Variants in SDK1 observed in about 807,000 individuals in gnomAD.
SDK1 encodes the protein protein sidekick-1.
In SDK1, 157 loss-of-function variants were observed where a neutral mutation model predicts 245.5. That is an observed-to-expected ratio of 0.64 (90% CI 0.56 to 0.73). The LOEUF (loss-of-function observed/expected upper bound fraction) is 0.73. Among genes scored for constraint, SDK1 ranks in the 30% least tolerant of loss-of-function variants. The pLI, the probability that SDK1 is intolerant of heterozygous loss-of-function variation, is 0.00. For missense variants in SDK1, 3,583 were observed against 3,002.3 expected, an observed-to-expected ratio of 1.19 and a Z score of -4.52; for synonymous variants, 1,647 against 1,278.5, an observed-to-expected ratio of 1.29 and a Z score of -6.15.
chr7:3,537,751 G>A (rs749554847), intron 1 of SDK1, among the ~76,000 whole-genome samples: 20 of 152,306 alleles, frequency 1.3e-4, no homozygotes, highest in Middle Eastern at 6.8e-3. Context: ...ATTTTGAGGT[G>A]TTTCCCCTTG....
intron 4 of SDK1, among the ~76,000 whole-genome samples, chr7:3,645,522 G>A (rs1024149994): frequency 2.6e-5 from 4 of 152,120 alleles, no homozygotes; most frequent in Admixed American, 6.5e-5. Flanking sequence ...CAAGTACACT[G>A]ATTTGATCTT....
chr7:3,478,191 G>A lies in SDK1; in HGVS notation c.299-140889G>A, dbSNP rs189627403. On this transcript the variant is annotated intron_variant, in intron 1 of 44. Coordinates refer to ENST00000404826, the MANE Select transcript of SDK1 (RefSeq NM_152744.4). ...CTCATTATTTTCCTGAAGTTTCATG[G>A]CCATTACCTCCCCTTTATTCTTTGG... Among the ~76,000 whole-genome samples the A allele has an allele frequency of 1.2e-4, 18 of 152,062 alleles. No homozygotes were observed. In the East Asian group the frequency reaches 3.5e-3, roughly 29 times the overall value.
intron 4 of SDK1, among the ~76,000 whole-genome samples, chr7:3,820,280 G>C (rs953278345): frequency 1.3e-5 from 2 of 152,190 alleles, no homozygotes; most frequent in Non-Finnish European, 1.5e-5. Flanking sequence ...CTCTGTAGTA[G>C]CTGGGACTAC....
At chr7:4,137,771 C>A (rs1779190250) in intron 28 of SDK1, among the ~76,000 whole-genome samples, 1 of 152,214 alleles carries the variant, frequency 6.6e-6, no homozygotes, top group Non-Finnish European at 1.5e-5. Context: ...CCTTGCGTCG[C>A]TGAAGTGCAG....
intron 4 of SDK1, among the ~76,000 whole-genome samples, chr7:3,762,124 G>A (rs796844743): frequency 6.6e-5 from 10 of 152,300 alleles, no homozygotes; most frequent in African/African-American, 2.4e-4. Context: ...GCACATAACA[G>A]CGGTTTGGGG....
intron 22 of SDK1, among the ~76,000 whole-genome samples, chr7:4,106,586 G>A (rs953405324): frequency 4.6e-5 from 7 of 152,034 alleles, no homozygotes; most frequent in African/African-American, 7.2e-5. Flanking sequence ...GTGAGCCACC[G>A]CGCCCGGCCA....
intron 4 of SDK1, among the ~76,000 whole-genome samples, chr7:3,792,094 C>G (rs1236244785): frequency 6.6e-6 from 1 of 152,066 alleles, no homozygotes; most frequent in Non-Finnish European, 1.5e-5. Context: ...CACCACTGCA[C>G]TCCCGCCTGG....
intron 7 of SDK1, among the ~76,000 whole-genome samples, chr7:3,953,728 A>G (rs993362235): frequency 6.6e-6 from 1 of 152,176 alleles, no homozygotes; most frequent in Non-Finnish European, 1.5e-5. Flanking sequence ...TTAGTTTTAC[A>G]TTTATATCTG....
chr7:4,010,833 G>C (rs1009756861), intron 14 of SDK1, 133 bp from the exon 15 acceptor site: 9 of 917,032 alleles, frequency 9.8e-6, no homozygotes, highest in Non-Finnish European at 1.5e-5. Context: ...TGCTAAATGG[G>C]ATAAGCTTTC....
Position 4,175,944 on chromosome 7 carries a change from T to A in SDK1, c.4996+110T>A, listed in dbSNP as rs567324856. The A allele has an allele frequency of 1.3e-4, 119 of 899,022 alleles. No individual in the cohort carries two copies. In the African/African-American group the frequency reaches 1.7e-3, roughly 13 times the overall value. 55.7% of individuals were successfully genotyped at this position (899,022 alleles called of 1,614,324 possible). On this transcript the variant is annotated intron_variant, in intron 34 of 44. Coordinates refer to ENST00000404826, the MANE Select transcript of SDK1 (RefSeq NM_152744.4). ...ACCAGCCTGGATTAATGGCTCCAGT[T>A]CTGGAATCGCCTCTCAAACGCTGCG... is the stretch of plus-strand genomic sequence containing the variant.
chr7:3,541,115 C>T (rs1583143480), intron 1 of SDK1, among the ~76,000 whole-genome samples: 1 of 152,232 alleles, frequency 6.6e-6, no homozygotes, highest in Non-Finnish European at 1.5e-5. Context: ...TTGGGTGATA[C>T]ATGCATTCTG....
At chr7:3,448,262 G>T (rs934586712) in intron 1 of SDK1, among the ~76,000 whole-genome samples, 2 of 152,050 alleles carry the variant, frequency 1.3e-5, no homozygotes, top group East Asian at 1.9e-4. Context: ...CTGAATATTG[G>T]TGAAGTTGAA....
intron 44 of SDK1, among the ~76,000 whole-genome samples, chr7:4,257,343 C>G (rs1349097179): frequency 6.6e-6 from 1 of 152,162 alleles, no homozygotes; most frequent in Non-Finnish European, 1.5e-5. Context: ...CTACAGTTTC[C>G]CGGGAAACCG....
At chr7:3,710,773 G>A (rs959207867) in intron 4 of SDK1, among the ~76,000 whole-genome samples, 7 of 152,188 alleles carry the variant, frequency 4.6e-5, no homozygotes, top group Admixed American at 6.5e-5. Flanking sequence ...GCCAACCTCC[G>A]TGTATGTCTT....
chr7:4,203,149 G>A (rs932930602), intron 35 of SDK1, among the ~76,000 whole-genome samples: 2 of 152,232 alleles, frequency 1.3e-5, no homozygotes, highest in African/African-American at 2.4e-5. Flanking sequence ...CCATAACCCG[G>A]CTCAGGCCCC....
chr7:3,886,856 CAGTG>C (rs764626161), intron 5 of SDK1, among the ~76,000 whole-genome samples: 58 of 152,118 alleles, frequency 3.8e-4, no homozygotes, highest in Non-Finnish European at 1.5e-4. Flanking sequence ...TTTGAGGTTG[CAGTG>C]AGCTGTAATC....
intron 7 of SDK1, among the ~76,000 whole-genome samples, chr7:3,953,352 A>G (rs1019915666): frequency 1.3e-5 from 2 of 152,232 alleles, no homozygotes; most frequent in Non-Finnish European, 2.9e-5. Flanking sequence ...AAAGAAGCGA[A>G]AGTCTGTTAA....
intron 1 of SDK1, among the ~76,000 whole-genome samples, chr7:3,321,694 C>G (rs1255983819): frequency 2.1e-5 from 2 of 93,086 alleles, no homozygotes; most frequent in East Asian, 5.3e-4. Flanking sequence ...CTTCTTCCTT[C>G]TCCTCCTCCT....
At chr7:3,750,396 C>T (rs889724672) in intron 4 of SDK1, among the ~76,000 whole-genome samples, 7 of 152,172 alleles carry the variant, frequency 4.6e-5, no homozygotes, top group African/African-American at 1.7e-4. Flanking sequence ...TATGCACTGC[C>T]TTCTATAAGT....
Sources: allele counts gnomAD v4.1 joint callset (sites outside exome capture counted in the v4.1 genomes callset), GRCh38; gene constraint gnomAD v4.1.1; transcripts MANE v1.5; gene names NCBI Gene and HGNC (gene_info 2026-07-23, HGNC 2026-07-21).